Variants in LCOR observed in about 807,000 individuals in gnomAD.
The protein encoded by LCOR is ligand dependent nuclear receptor corepressor, also known as ligand-dependent corepressor.
Under a neutral mutation model 64.4 loss-of-function variants are expected in LCOR, and 14 were observed. That is an observed-to-expected ratio of 0.22 (90% CI 0.14 to 0.34). The LOEUF is 0.34. LCOR is among the 10% of genes least tolerant of loss of function. The pLI is 1.00. For synonymous variants in LCOR, 643 were observed against 642.5 expected (o/e 1.00, Z -0.01); for missense variants, 1,686 against 1,765.3 (o/e 0.96, Z 0.80).
chr10:96,970,577 G>A (rs1266864450), intron 7 of LCOR, among the ~76,000 whole-genome samples: 2 of 149,816 alleles, frequency 1.3e-5, no homozygotes. Context: ...GCCTATTAAT[G>A]GATTGTAAGA....
intron 2 of LCOR, among the ~76,000 whole-genome samples, chr10:96,835,217 A>G (rs1048683793): frequency 6.6e-6 from 1 of 152,184 alleles, no homozygotes; most frequent in Non-Finnish European, 1.5e-5. Flanking sequence ...TTTGGTTTTT[A>G]AAATTATGAC....
chr10:96,920,642 GTGTATATATGTGTATATA>G (rs1471902500), intron 4 of LCOR, among the ~76,000 whole-genome samples: 2 of 138,402 alleles, frequency 1.4e-5, no homozygotes, highest in African/African-American at 2.9e-5. Flanking sequence ...ATTCATATAT[GTGTATATATGTGTATATA>G]TGTATATATG....
chr10:96,834,511 G>A (rs1845407535), intron 2 of LCOR, among the ~76,000 whole-genome samples: 1 of 152,038 alleles, frequency 6.6e-6, no homozygotes, highest in Admixed American at 6.6e-5. Context: ...TGAATTACTT[G>A]GTATTTCGGA....
chr10:96,868,419 C>T (rs1175068315), intron 2 of LCOR, among the ~76,000 whole-genome samples: 7 of 151,680 alleles, frequency 4.6e-5, no homozygotes, highest in Admixed American at 2.6e-4. Context: ...GGATTACAGG[C>T]GCATGCCACC....
chr10:96,897,866 C>CTTTTTT (rs59098946), intron 2 of LCOR, among the ~76,000 whole-genome samples: 15 of 116,262 alleles, frequency 1.3e-4, no homozygotes, highest in Non-Finnish European at 1.8e-4. Flanking sequence ...AGAAAGCCAT[C>CTTTTTT]TTTTTTTTTT....
intron 6 of LCOR, 80 bp from the exon 7 acceptor site, chr10:96,952,023 G>A (rs1295187943): frequency 1.0e-6 from 1 of 965,198 alleles, no homozygotes; most frequent in African/African-American, 1.6e-5. Context: ...CTGCTTAACT[G>A]CTTTTTCATT....
At chr10:96,840,367 T>G (rs1214463537) in intron 2 of LCOR, among the ~76,000 whole-genome samples, 2 of 152,234 alleles carry the variant, frequency 1.3e-5, no homozygotes, top group African/African-American at 4.8e-5. Flanking sequence ...GAATTTTACA[T>G]AGTAAAAACT....
chr10:96,955,784 G>A (rs1192741637), intron 7 of LCOR: 1 of 1,614,230 alleles, frequency 6.2e-7, no homozygotes, highest in South Asian at 1.1e-5. Context: ...AAGTAAAGGA[G>A]AGGCTGGGCA....
intron 2 of LCOR, among the ~76,000 whole-genome samples, chr10:96,841,838 A>G (rs1008113837): frequency 4.6e-5 from 7 of 151,752 alleles, no homozygotes; most frequent in African/African-American, 9.7e-5. Flanking sequence ...GGACTCAAGC[A>G]GTCCTCCCAC....
chr10:96,995,414 C>G lies in LCOR; in HGVS notation c.*10280C>G, dbSNP rs1848234542. On this transcript the variant is annotated 3_prime_UTR_variant, in exon 8 of 8. Coordinates refer to ENST00000421806, the MANE Select transcript of LCOR (RefSeq NM_001346516.2). The surrounding 1 kb of genome is among the most constrained non-coding windows in gnomAD (Gnocchi z 4.2). The stretch of plus-strand genomic sequence containing the variant: ...GCAAGTGGCCACCCGGAAGATCAGT[C>G]TGTAGCTCTTGGGCCTGGATTTCTA... 6.6e-6 allele frequency: 1 copy of G among 152,184 alleles called. No individual in the cohort carries two copies. The highest frequency in any genetic ancestry group is 2.4e-5 in the African/African-American group (1 of 41,426). The allele number at this position is 152,184 out of a possible 1,614,324, so 9.4% of individuals were successfully genotyped here.
At chr10:96,951,921 A>G (rs1424534606) in intron 6 of LCOR, among the ~76,000 whole-genome samples, 182 bp from the exon 7 acceptor site, 1 of 152,248 alleles carries the variant, frequency 6.6e-6, no homozygotes, top group African/African-American at 2.4e-5. Flanking sequence ...GATATTAAGT[A>G]TAACATGCCT....
At chr10:96,850,389 A>G (rs917844760) in intron 2 of LCOR, among the ~76,000 whole-genome samples, 5 of 152,228 alleles carry the variant, frequency 3.3e-5, no homozygotes, top group Admixed American at 1.3e-4. Flanking sequence ...ATATTTAAAA[A>G]GAAAGATCAA....
chr10:96,894,367 G>A (rs1288103458), intron 2 of LCOR, among the ~76,000 whole-genome samples: 1 of 152,158 alleles, frequency 6.6e-6, no homozygotes, highest in East Asian at 1.9e-4. Flanking sequence ...ATGAGCCACC[G>A]CATCCGGCCT....
intron 7 of LCOR, among the ~76,000 whole-genome samples, chr10:96,953,159 T>A (rs1390365208): frequency 6.6e-6 from 1 of 152,176 alleles, no homozygotes; most frequent in Non-Finnish European, 1.5e-5. Flanking sequence ...TTTAATCCAT[T>A]ATGCGTACTA....
chr10:96,992,071 G>C lies in LCOR; in HGVS notation c.*6937G>C, dbSNP rs1185207813. ...CTGAGGTATTTGGGAGCTAATTTTT[G>C]GGAAAGAGACTATACCAACAAGATT... On this transcript the variant is annotated 3_prime_UTR_variant, in exon 8 of 8. Coordinates refer to ENST00000421806, the MANE Select transcript of LCOR (RefSeq NM_001346516.2). 6.6e-6 allele frequency: 1 copy of C among 152,064 alleles called. No homozygotes were observed. The highest frequency in any genetic ancestry group is 1.5e-5 in the Non-Finnish European group (1 of 68,000). 9.4% of individuals were successfully genotyped at this position (152,064 alleles called of 1,614,324 possible). A position where few individuals can be genotyped will look rare whatever the true frequency, so the allele number is the denominator to read the frequency against.
intron 7 of LCOR, among the ~76,000 whole-genome samples, chr10:96,967,619 T>A (rs1847962831): frequency 6.6e-6 from 1 of 152,184 alleles, no homozygotes; most frequent in Non-Finnish European, 1.5e-5. Context: ...ACAAATCGTA[T>A]CTGTACGAAC....
At chr10:96,863,182 C>T (rs1190969860) in intron 2 of LCOR, among the ~76,000 whole-genome samples, 3 of 147,586 alleles carry the variant, frequency 2.0e-5, no homozygotes, top group African/African-American at 5.0e-5. Flanking sequence ...CATGCCCAGC[C>T]GAAGTAATAT....
intron 2 of LCOR, among the ~76,000 whole-genome samples, chr10:96,903,262 A>G (rs982515670): frequency 6.6e-6 from 1 of 152,148 alleles, no homozygotes; most frequent in African/African-American, 2.4e-5. Context: ...AGGCTACACT[A>G]AATTTACTTA....
chr10:96,970,639 TTTTATTTTATTTTA>T (rs948821124), intron 7 of LCOR, among the ~76,000 whole-genome samples: 4 of 139,844 alleles, frequency 2.9e-5, no homozygotes, highest in African/African-American at 8.2e-5. Flanking sequence ...TTTTATTTTA[TTTTATTTTATTTTA>T]TTTATTTTAT....
Sources: gnomAD v4.1 joint callset for allele counts (sites outside exome capture counted in the v4.1 genomes callset) on GRCh38, gnomAD v4.1.1 for gene constraint, Gnocchi (gnomAD v3.1) non-coding constraint, MANE v1.5 for transcripts, NCBI Gene and HGNC (gene_info 2026-07-23, HGNC 2026-07-21) for gene names.